The following EYS variants were observed in gnomAD, a reference collection of about 807,000 sequenced individuals.
EYS encodes protein eyes shut homolog.
EYS carries 250 observed loss-of-function variants against 282.1 expected under a neutral mutation model. The observed-to-expected ratio is 0.89, with a 90% CI of 0.80 to 0.98. The LOEUF is 0.98. Among genes scored for constraint, EYS ranks in the 50% least tolerant of loss-of-function variants. The probability of loss-of-function intolerance (pLI) is 0.00; values close to 1 mark genes in which losing one functional copy is unlikely to be tolerated. For synonymous variants in EYS, 1,355 were observed against 1,282.9 expected, an observed-to-expected ratio of 1.06 and a Z score of -1.20; for missense variants, 4,016 against 3,709.0, an observed-to-expected ratio of 1.08 and a Z score of -2.15.
At chr6:64,807,998 C>T (rs551036220) in intron 22 of EYS, among the ~76,000 whole-genome samples, 2 of 150,790 alleles carry the variant, frequency 1.3e-5, no homozygotes, top group African/African-American at 4.9e-5. Context: ...CCTTCCCTTA[C>T]TTCCTTCCTC....
At chr6:65,482,788 C>A (rs1765654043) in intron 5 of EYS, among the ~76,000 whole-genome samples, 1 of 152,196 alleles carries the variant, frequency 6.6e-6, no homozygotes, top group Non-Finnish European at 1.5e-5. Context: ...TAACATCACT[C>A]ATCTTGGATT....
chr6:64,556,206 A>G (rs1438581007), intron 26 of EYS, among the ~76,000 whole-genome samples: 1 of 152,060 alleles, frequency 6.6e-6, no homozygotes, highest in African/African-American at 2.4e-5. Context: ...AATGTTATTC[A>G]AAATTGACGA....
chr6:63,953,084 C>T (rs936454012), intron 35 of EYS, among the ~76,000 whole-genome samples: 1 of 152,078 alleles, frequency 6.6e-6, no homozygotes, highest in East Asian at 1.9e-4. Flanking sequence ...CTATTTTGTC[C>T]TCAATACCTT....
In EYS at chr6:64,330,542, A is replaced by G. The variant is rs1293411959; in HGVS notation, c.6079-23460T>C. ...ACAAGGCCTTTTTACCTGTATGTCC[A>G]TGAAAGAAAAGGAATAGCTACAGGA... is the stretch of plus-strand genomic sequence containing the variant. On this transcript the variant is annotated intron_variant, in intron 29 of 42. Transcript: ENST00000503581. Among the ~76,000 whole-genome samples the G allele has an allele frequency of 2.0e-5, 3 of 152,202 alleles. No individual in the cohort carries two copies. The South Asian group carries it at 6.2e-4, about 32-fold the overall frequency.
intron 26 of EYS, among the ~76,000 whole-genome samples, chr6:64,562,305 T>C (rs180721091): frequency 5.7e-4 from 87 of 152,082 alleles, no homozygotes; most frequent in Admixed American, 1.6e-3. Context: ...TCTACAAAAA[T>C]ATTTTTAATG....
chr6:65,457,944 C>A lies in EYS; in HGVS notation c.862+32650G>T, dbSNP rs575181361. ...AAAATTAGACCACTATTTCTGCCTA[C>A]CCTCAAACCTATATTACCTTCTTAA... is the stretch of plus-strand genomic sequence containing the variant. On this transcript the variant is annotated intron_variant, in intron 5 of 42. Coordinates refer to ENST00000503581, the MANE Select transcript of EYS (RefSeq NM_001142800.2). Among the ~76,000 whole-genome samples the A allele has an allele frequency of 6.2e-4, 94 of 152,222 alleles. 1 individual carries two copies. The highest frequency in any genetic ancestry group is 5.2e-3 in the Admixed American group (80 of 15,274).
At chr6:64,557,986 C>T (rs1332133939) in intron 26 of EYS, among the ~76,000 whole-genome samples, 5 of 152,000 alleles carry the variant, frequency 3.3e-5, no homozygotes, top group South Asian at 2.1e-4. Context: ...ACCATAGGAA[C>T]ATTTGTGATA....
chr6:64,961,871 T>C (rs2150106355), intron 14 of EYS, among the ~76,000 whole-genome samples: 1 of 152,282 alleles, frequency 6.6e-6, no homozygotes, highest in African/African-American at 2.4e-5. Flanking sequence ...GGAGATAATT[T>C]CTGAAGCGGT....
At chr6:64,503,366 T>C (rs1262802521) in intron 26 of EYS, among the ~76,000 whole-genome samples, 1 of 152,200 alleles carries the variant, frequency 6.6e-6, no homozygotes, top group Non-Finnish European at 1.5e-5. Flanking sequence ...TTTTATGTTA[T>C]AAAATTCTGG....
chr6:65,621,553 A>AT (rs1766495830), intron 2 of EYS, among the ~76,000 whole-genome samples: 1 of 150,084 alleles, frequency 6.7e-6, no homozygotes, highest in Non-Finnish European at 1.5e-5. Context: ...GTCCATTTAC[A>AT]TTTAAAGTTA....
chr6:64,590,903 A>G lies in EYS; in HGVS notation c.4964T>C (p.Leu1655Ser), dbSNP rs765407986. 82 of 1,550,478 alleles carry G rather than the reference A, an allele frequency of 5.3e-5. No individual in the cohort carries two copies. Among genetic ancestry groups the G allele is most frequent in the Middle Eastern group, 5.0e-4 (3 of 6,012 alleles). The change falls in exon 26 of 43, where the codon TTG (leucine) becomes TCG (serine). Residue 1655 changes from leucine to serine, a missense_variant. By Grantham distance (145) the Leu-to-Ser change is moderately radical. Coordinates refer to ENST00000503581, the MANE Select transcript of EYS (RefSeq NM_001142800.2). ...CTTATCCAAACATAAATTAACATCC[A>G]AATTACTTGATAGGGTAATGGATTC... Reference protein sequence around the residue: ...LEESITLSSNLDVNLCLDKTC... With the variant: ...LEESITLSSNSDVNLCLDKTC...
intron 35 of EYS, among the ~76,000 whole-genome samples, chr6:63,928,566 G>T (rs181428986): frequency 6.6e-6 from 1 of 152,080 alleles, no homozygotes; most frequent in African/African-American, 2.4e-5. Flanking sequence ...GTGCGCATGC[G>T]TAGGTGCTGA....
chr6:64,653,562 T>C (rs529738320), intron 22 of EYS, among the ~76,000 whole-genome samples: 1 of 152,160 alleles, frequency 6.6e-6, no homozygotes, highest in African/African-American at 2.4e-5. Context: ...ATCTTAATTT[T>C]TAATTGTCTT....
intron 22 of EYS, among the ~76,000 whole-genome samples, chr6:64,685,159 G>A (rs1355906121): frequency 1.3e-5 from 2 of 151,894 alleles, no homozygotes; most frequent in Non-Finnish European, 2.9e-5. Flanking sequence ...GTCAAGATGG[G>A]AAACATTACC....
At chr6:65,576,101 C>T (rs374699921) in intron 2 of EYS, among the ~76,000 whole-genome samples, 20 of 152,020 alleles carry the variant, frequency 1.3e-4, no homozygotes, top group African/African-American at 4.1e-4. Flanking sequence ...TACCCAAATA[C>T]CAAATTCAGA....
At chr6:65,640,517 C>A (rs971808421) in intron 1 of EYS, among the ~76,000 whole-genome samples, 2 of 152,096 alleles carry the variant, frequency 1.3e-5, no homozygotes, top group Non-Finnish European at 2.9e-5. Context: ...AGCTACTCCT[C>A]TGTCTGAAAA....
chr6:65,604,407 G>T (rs562887813), intron 2 of EYS, among the ~76,000 whole-genome samples: 1 of 151,856 alleles, frequency 6.6e-6, no homozygotes, highest in Non-Finnish European at 1.5e-5. Context: ...AAATTCACAC[G>T]ATTAATTACG....
At chr6:63,814,403 C>T (rs1455139767) in intron 36 of EYS, among the ~76,000 whole-genome samples, 2 of 152,136 alleles carry the variant, frequency 1.3e-5, no homozygotes, top group Non-Finnish European at 2.9e-5. Flanking sequence ...CGAATTCACC[C>T]ACAGGTATAA....
Position 65,331,594 on chromosome 6 carries a change from C to A in EYS, c.1766+3386G>T, listed in dbSNP as rs796334477. The A allele has an allele frequency of 1.5e-5, 15 of 976,502 alleles. No homozygotes were observed. The African/African-American group carries it at 2.3e-4, about 15-fold the overall frequency. 60.5% of individuals were successfully genotyped at this position (976,502 alleles called of 1,614,324 possible). On this transcript the variant is annotated intron_variant, in intron 11 of 42. Coordinates refer to ENST00000503581, the MANE Select transcript of EYS (RefSeq NM_001142800.2). ...AATTACAAAAATTTTGTAATTTATC[C>A]AAGATTCTCTGGATATCAAAAAATA...
Sources: allele counts gnomAD v4.1 joint callset (sites outside exome capture counted in the v4.1 genomes callset), GRCh38; gene constraint gnomAD v4.1.1; transcripts MANE v1.5; gene names NCBI Gene and HGNC (gene_info 2026-07-23, HGNC 2026-07-21).